RPS6KA6: variants seen among roughly 807,000 people sequenced by gnomAD.
RPS6KA6 encodes the protein ribosomal protein S6 kinase A6, also known as ribosomal protein S6 kinase alpha-6.
Under a neutral mutation model 65.4 loss-of-function variants are expected in RPS6KA6, and 27 were observed. The observed-to-expected ratio is 0.41, with a 90% CI of 0.30 to 0.57. The LOEUF (loss-of-function observed/expected upper bound fraction) is 0.57. Among genes scored for constraint, RPS6KA6 ranks in the 20% least tolerant of loss-of-function variants. RPS6KA6 has a pLI of 0.24. For synonymous variants in RPS6KA6, 190 were observed against 184.2 expected, an observed-to-expected ratio of 1.03 and a Z score of -0.26; for missense variants, 486 against 555.6, an observed-to-expected ratio of 0.87 and a Z score of 1.26.
chrX:84,101,937 T>G, intron 18 of RPS6KA6, 100 bp downstream of exon 18: 1 of 681,686 alleles, frequency 1.5e-6, no homozygotes, highest in Non-Finnish European at 2.1e-6. Context: ...AAGGGCAAGG[T>G]AACAGCTTTT....
intron 1 of RPS6KA6, among the ~76,000 whole-genome samples, chrX:84,173,691 G>C (rs1041476324): frequency 1.8e-5 from 2 of 111,429 alleles, no homozygotes; most frequent in African/African-American, 6.5e-5. Flanking sequence ...GGATCTCGCT[G>C]TGTCGCCCCA....
intron 6 of RPS6KA6, among the ~76,000 whole-genome samples, chrX:84,136,804 C>A (rs187988844): frequency 6.3e-5 from 7 of 111,113 alleles, no homozygotes; most frequent in Middle Eastern, 4.7e-3. Context: ...CTTCCAAACT[C>A]TATGAGGTAG....
intron 8 of RPS6KA6, among the ~76,000 whole-genome samples, chrX:84,134,332 A>C (rs760224989): frequency 9.0e-6 from 1 of 111,547 alleles, no homozygotes; most frequent in South Asian, 3.7e-4. Flanking sequence ...ATAGGTTTTT[A>C]TTTTTCTAGG....
chrX:84,089,980 T>C (rs1361108772), intron 20 of RPS6KA6, among the ~76,000 whole-genome samples: 1 of 112,255 alleles, frequency 8.9e-6, no homozygotes, highest in Non-Finnish European at 1.9e-5. Context: ...TCTAAATACT[T>C]TGAACATACA....
At chrX:84,156,025 T>C in intron 3 of RPS6KA6, 50 bp downstream of exon 3, 1 of 696,183 alleles carries the variant, frequency 1.4e-6, no homozygotes, top group Non-Finnish European at 2.3e-6. Flanking sequence ...TTCACTTTTT[T>C]TGCTAAATGT....
chrX:84,127,125 T>C (rs2034807240), intron 8 of RPS6KA6, among the ~76,000 whole-genome samples: 1 of 110,875 alleles, frequency 9.0e-6, no homozygotes, highest in Non-Finnish European at 1.9e-5. Flanking sequence ...ACCCCAATAA[T>C]TAAAATTAGA....
chrX:84,099,959 G>C (rs1166304150), intron 18 of RPS6KA6, among the ~76,000 whole-genome samples: 1 of 110,628 alleles, frequency 9.0e-6, no homozygotes, highest in Non-Finnish European at 1.9e-5. Context: ...ATTTTTTATT[G>C]AAATGTCTGT....
At chrX:84,092,110 G>C (rs1362504288) in intron 20 of RPS6KA6, among the ~76,000 whole-genome samples, 1 of 110,871 alleles carries the variant, frequency 9.0e-6, no homozygotes, top group Admixed American at 9.6e-5. Context: ...CTAGGTGATG[G>C]GTTGATAGGT....
rs765037896 is a variant in RPS6KA6, at chrX:84,060,233, A to G, written c.*4044T>C. 62 of 111,825 alleles carry G rather than the reference A, an allele frequency of 5.5e-4. No homozygotes were observed. The highest frequency in any genetic ancestry group is 4.7e-3 in the Middle Eastern group (1 of 215). 9.2% of individuals were successfully genotyped at this position (111,825 alleles called of 1,213,427 possible). A position where few individuals can be genotyped will look rare whatever the true frequency, so the allele number is the denominator to read the frequency against. On this transcript the variant is annotated 3_prime_UTR_variant, in exon 22 of 22. Coordinates refer to ENST00000262752, the MANE Select transcript of RPS6KA6 (RefSeq NM_014496.5). The stretch of plus-strand genomic sequence containing the variant: ...ATCATTGATCTTGAGGTACATGCCA[A>G]AAATGCCTGAATAAGCTTTGAAATG...
At chrX:84,089,032 A>G (rs2033989214) in intron 20 of RPS6KA6, among the ~76,000 whole-genome samples, 1 of 110,598 alleles carries the variant, frequency 9.0e-6, no homozygotes. Flanking sequence ...TCCTCCCACC[A>G]GGGGCTCCAT....
Position 84,115,799 on chromosome X carries a change from T to C in RPS6KA6, c.1008+430A>G, listed in dbSNP as rs922314348. Reference sequence around the variant, plus strand: ...TAAGAAAGAATAAAATCATTATCTTTGCAGCAACATGGATGGAGGTGGAGA... The same window carrying C: ...TAAGAAAGAATAAAATCATTATCTTCGCAGCAACATGGATGGAGGTGGAGA... On this transcript the variant is annotated intron_variant, in intron 12 of 21. Coordinates refer to ENST00000262752, the MANE Select transcript of RPS6KA6 (RefSeq NM_014496.5). Among the ~76,000 whole-genome samples the C allele has an allele frequency of 2.3e-4, 26 of 111,946 alleles. No homozygotes were observed. The South Asian group carries it at 3.7e-3, about 16-fold the overall frequency.
At chrX:84,135,289 T>G (rs1430524651) in intron 6 of RPS6KA6, 79 bp from the exon 7 acceptor site, 3 of 625,953 alleles carry the variant, frequency 4.8e-6, no homozygotes, top group Non-Finnish European at 7.4e-6. Context: ...TCAAAATGAG[T>G]AGACAGACAA....
At chrX:84,137,020 C>G (rs1008522838) in intron 6 of RPS6KA6, among the ~76,000 whole-genome samples, 10 of 111,810 alleles carry the variant, frequency 8.9e-5, no homozygotes, top group Non-Finnish European at 1.7e-4. Context: ...GGTTTACTAC[C>G]AATAATGCTT....
At chrX:84,176,569 G>T (rs1460305238) in intron 1 of RPS6KA6, among the ~76,000 whole-genome samples, 1 of 111,974 alleles carries the variant, frequency 8.9e-6, no homozygotes, top group African/African-American at 3.2e-5. Context: ...AAAGGAAAAA[G>T]AACTTTATTA....
intron 3 of RPS6KA6, among the ~76,000 whole-genome samples, chrX:84,154,259 T>C (rs1408686470): frequency 9.0e-6 from 1 of 111,679 alleles, no homozygotes; most frequent in Non-Finnish European, 1.9e-5. Context: ...ATCTAATCTT[T>C]CCTGCTCTGA....
At chrX:84,164,143 C>T (rs1325808172) in intron 2 of RPS6KA6, among the ~76,000 whole-genome samples, 185 bp downstream of exon 2, 1 of 112,042 alleles carries the variant, frequency 8.9e-6, no homozygotes, top group African/African-American at 3.2e-5. Context: ...AAAATGCATG[C>T]ATAAGTATTT....
intron 20 of RPS6KA6, among the ~76,000 whole-genome samples, chrX:84,095,373 A>G (rs986464876): frequency 8.9e-6 from 1 of 112,043 alleles, no homozygotes; most frequent in African/African-American, 3.2e-5. Context: ...TTAAAACTTA[A>G]AATTTAAAAA....
intron 1 of RPS6KA6, among the ~76,000 whole-genome samples, chrX:84,176,441 T>C (rs2035770151): frequency 2.7e-5 from 3 of 112,283 alleles, no homozygotes; most frequent in South Asian, 3.7e-4. Context: ...GAAGTCTATA[T>C]AATCACATTA....
At chrX:84,067,214 A>G (rs1424913575) in intron 20 of RPS6KA6, among the ~76,000 whole-genome samples, 1 of 111,767 alleles carries the variant, frequency 8.9e-6, no homozygotes, top group East Asian at 2.8e-4. Context: ...TAGAATGCCT[A>G]TTTTCCCCCA....
Sources: gnomAD v4.1 joint callset for allele counts (sites outside exome capture counted in the v4.1 genomes callset) on GRCh38, gnomAD v4.1.1 for gene constraint, MANE v1.5 for transcripts, NCBI Gene and HGNC (gene_info 2026-07-23, HGNC 2026-07-21) for gene names.